Variants in PTPRN2 observed in about 807,000 individuals in gnomAD.
PTPRN2 encodes the protein receptor-type tyrosine-protein phosphatase N2.
Under a neutral mutation model 118.8 loss-of-function variants are expected in PTPRN2, and 74 were observed. That is an observed-to-expected ratio of 0.62 (90% CI 0.52 to 0.76). PTPRN2 has a LOEUF of 0.76. PTPRN2 is among the 30% of genes least tolerant of loss of function. The pLI, the probability that PTPRN2 is intolerant of heterozygous loss-of-function variation, is 0.00. For missense variants in PTPRN2, 1,481 were observed against 1,394.4 expected, an observed-to-expected ratio of 1.06 and a Z score of -0.99; for synonymous variants, 641 against 608.0, an observed-to-expected ratio of 1.05 and a Z score of -0.80.
At chr7:158,382,252 G>A (rs1811018248) in intron 2 of PTPRN2, among the ~76,000 whole-genome samples, 1 of 152,116 alleles carries the variant, frequency 6.6e-6, no homozygotes, top group South Asian at 2.1e-4. Context: ...GGATGTGGAG[G>A]AGGCCAGGAC....
chr7:157,921,943 G>A (rs559770530), intron 11 of PTPRN2, among the ~76,000 whole-genome samples: 2 of 152,304 alleles, frequency 1.3e-5, no homozygotes, highest in African/African-American at 4.8e-5. Context: ...TGGAGAGACG[G>A]GGCGTGGAGT....
chr7:158,387,533 T>A (rs1811538836), intron 2 of PTPRN2, among the ~76,000 whole-genome samples: 1 of 152,296 alleles, frequency 6.6e-6, no homozygotes, highest in Non-Finnish European at 1.5e-5. Context: ...CTCTGGGTCC[T>A]GGGGGGACTG....
chr7:158,261,165 G>A (rs1797373238), intron 3 of PTPRN2, among the ~76,000 whole-genome samples: 1 of 152,134 alleles, frequency 6.6e-6, no homozygotes, highest in African/African-American at 2.4e-5. Context: ...CCCAGGACAT[G>A]GTGGAAGGTG....
intron 19 of PTPRN2, 74 bp downstream of exon 19, chr7:157,576,539 G>A: frequency 7.2e-7 from 1 of 1,395,412 alleles, no homozygotes. Context: ...GGGCGTCTCA[G>A]GAGCACCGAA....
In PTPRN2 at chr7:157,853,414, C is replaced by T. The variant is rs1413753033; in HGVS notation, c.1788+45259G>A. Among the ~76,000 whole-genome samples, 3 of 152,348 alleles carry T rather than the reference C, an allele frequency of 2.0e-5. No homozygotes were observed. In the East Asian group the frequency reaches 5.8e-4, roughly 29 times the overall value. On this transcript the variant is annotated intron_variant, in intron 12 of 22. Coordinates refer to ENST00000389418, the MANE Select transcript of PTPRN2 (RefSeq NM_002847.5). ...TCCCGCACCGTGCCCACTTTAAACC[C>T]TGGAGAACCATGTTTGCCTCTGTCT...
chr7:158,234,578 G>GTAAAA (rs200539667), intron 3 of PTPRN2, among the ~76,000 whole-genome samples: 2 of 83,672 alleles, frequency 2.4e-5, no homozygotes, highest in African/African-American at 4.7e-5. Flanking sequence ...CATACAAATG[G>GTAAAA]CCAACAGGTA....
intron 12 of PTPRN2, among the ~76,000 whole-genome samples, chr7:157,811,218 C>T (rs1400783768): frequency 1.1e-4 from 17 of 149,716 alleles, no homozygotes; most frequent in African/African-American, 3.5e-4. Context: ...TTGCAGTGAG[C>T]GGAGATCGCA....
rs561775453 is a variant in PTPRN2 at position 158,162,913 on chromosome 7, C to T, written c.910+4018G>A. ...AGCAAGGGTCTCATGTTGGACCCGA[C>T]CGTGCGACAGGAGGGTGGCCCTGTT... On this transcript the variant is annotated intron_variant, in intron 6 of 22. Coordinates refer to ENST00000389418, the MANE Select transcript of PTPRN2 (RefSeq NM_002847.5). Among the ~76,000 whole-genome samples, 17 of 152,310 alleles carry T rather than the reference C, an allele frequency of 1.1e-4. No individual in the cohort carries two copies. In the South Asian group the frequency reaches 3.3e-3, roughly 30 times the overall value.
At chr7:157,960,494 A>T (rs922818970) in intron 11 of PTPRN2, among the ~76,000 whole-genome samples, 1 of 152,246 alleles carries the variant, frequency 6.6e-6, no homozygotes, top group Non-Finnish European at 1.5e-5. Flanking sequence ...CATTTTAACC[A>T]TCTAATTTCA....
chr7:158,269,147 T>C (rs1379463471), intron 3 of PTPRN2, among the ~76,000 whole-genome samples: 1 of 152,114 alleles, frequency 6.6e-6, no homozygotes, highest in Non-Finnish European at 1.5e-5. Context: ...CCACCTTCTG[T>C]TGGAGTGGCC....
intron 11 of PTPRN2, among the ~76,000 whole-genome samples, chr7:157,942,368 G>A (rs549137382): frequency 1.2e-4 from 18 of 152,324 alleles, no homozygotes; most frequent in South Asian, 1.0e-3. Context: ...TGAGGGCTGC[G>A]TGTCACCTCA....
At position 158,022,008 on chromosome 7, in the gene PTPRN2, G is replaced by A. The variant is rs112940166; in HGVS notation, c.1723+59290C>T. On this transcript the variant is annotated intron_variant, in intron 11 of 22. Coordinates refer to ENST00000389418, the MANE Select transcript of PTPRN2 (RefSeq NM_002847.5). The surrounding 1 kb of genome is among the most constrained non-coding windows in gnomAD (Gnocchi z 4.6). ...TGCCCTGGCTGAGCCGGGCAGCCTC[G>A]CCCATCCACCATGAGGCGAGACCCC... Among the ~76,000 whole-genome samples the A allele has an allele frequency of 2.6e-5, 4 of 152,020 alleles. No individual in the cohort carries two copies. The highest frequency in any genetic ancestry group is 9.7e-5 in the African/African-American group (4 of 41,398).
At chr7:158,228,971 C>T (rs1828995644) in intron 3 of PTPRN2, among the ~76,000 whole-genome samples, 1 of 152,124 alleles carries the variant, frequency 6.6e-6, no homozygotes, top group Non-Finnish European at 1.5e-5. Context: ...GGCACTCCAT[C>T]AGAGTGGCTG....
rs537760907 is a variant in PTPRN2 at position 158,411,726 on chromosome 7, C to G, written c.163+78009G>C. On this transcript the variant is annotated intron_variant, in intron 2 of 22. Transcript: ENST00000389418. ...CGCCGCCCCGCGGCACTCACACCCG[C>G]CTCAGATGGGAGCATGGTCTCAGGG... Among the ~76,000 whole-genome samples the G allele has an allele frequency of 4.6e-5, 7 of 152,336 alleles. No individual in the cohort carries two copies. The South Asian group carries it at 1.4e-3, about 32-fold the overall frequency.
At chr7:158,495,677 G>A (rs1821788392) in intron 1 of PTPRN2, among the ~76,000 whole-genome samples, 3 of 152,178 alleles carry the variant, frequency 2.0e-5, no homozygotes. Context: ...CGGCATCCAG[G>A]CAGGAATAGA....
chr7:158,468,736 C>T (rs1819560843), intron 2 of PTPRN2, among the ~76,000 whole-genome samples: 1 of 152,160 alleles, frequency 6.6e-6, no homozygotes, highest in Non-Finnish European at 1.5e-5. Context: ...CCACAAAGAT[C>T]GAGACTCTAT....
intron 3 of PTPRN2, among the ~76,000 whole-genome samples, chr7:158,306,433 C>T (rs912989266): frequency 6.6e-6 from 1 of 152,178 alleles, no homozygotes; most frequent in Non-Finnish European, 1.5e-5. Context: ...GAGCTGTGAA[C>T]TGCCTGTCTG....
rs1584956907 is a variant in PTPRN2 at position 157,888,677 on chromosome 7, C to A, written c.1788+9996G>T. On this transcript the variant is annotated intron_variant, in intron 12 of 22. Coordinates refer to ENST00000389418, the MANE Select transcript of PTPRN2 (RefSeq NM_002847.5). ...CGCGCAGCACCATGCCACGCAGAAT[C>A]TTCACGGATGTCTGATGACTTTCGT... 2.0e-5 allele frequency among the ~76,000 whole-genome samples: 3 copies of A among 152,152 alleles called. No individual in the cohort carries two copies. In the South Asian group the frequency reaches 6.2e-4, roughly 32 times the overall value.
At chr7:158,346,177 TTC>T (rs897423795) in intron 2 of PTPRN2, among the ~76,000 whole-genome samples, 1 of 152,238 alleles carries the variant, frequency 6.6e-6, no homozygotes, top group Non-Finnish European at 1.5e-5. Flanking sequence ...TTGGAATTTG[TTC>T]TCTCAGCAGT....
Sources: gnomAD v4.1 joint callset for allele counts (sites outside exome capture counted in the v4.1 genomes callset) on GRCh38, gnomAD v4.1.1 for gene constraint, Gnocchi (gnomAD v3.1) non-coding constraint, MANE v1.5 for transcripts, NCBI Gene and HGNC (gene_info 2026-07-23, HGNC 2026-07-21) for gene names.